DKK2: variants seen among roughly 807,000 people sequenced by gnomAD.
DKK2 encodes dickkopf-related protein 2.
In DKK2, 11 loss-of-function variants were observed where a neutral mutation model predicts 28.1. The ratio of observed to expected loss-of-function variants is 0.39; its 90% CI spans 0.25 to 0.65. DKK2 has a LOEUF of 0.65. Among genes scored for constraint, DKK2 ranks in the 30% least tolerant of loss-of-function variants. The probability of loss-of-function intolerance (pLI) is 0.47; values close to 1 mark genes in which losing one functional copy is unlikely to be tolerated. For missense variants in DKK2, 326 were observed against 335.5 expected, an observed-to-expected ratio of 0.97 and a Z score of 0.22; for synonymous variants, 135 against 126.5, an observed-to-expected ratio of 1.07 and a Z score of -0.45.
At chr4:107,008,143 T>C (rs1357957726) in intron 1 of DKK2, among the ~76,000 whole-genome samples, 1 of 152,152 alleles carries the variant, frequency 6.6e-6, no homozygotes, top group Non-Finnish European at 1.5e-5. Flanking sequence ...GAAGGCCACG[T>C]AGGTGAAAAT....
intron 1 of DKK2, among the ~76,000 whole-genome samples, chr4:106,928,566 A>T (rs998677015): frequency 2.0e-5 from 3 of 152,182 alleles, no homozygotes; most frequent in African/African-American, 7.2e-5. Context: ...TATGAATACA[A>T]TCAAGAAGGG....
At chr4:106,934,551 C>T (rs924685912) in intron 1 of DKK2, among the ~76,000 whole-genome samples, 1 of 152,162 alleles carries the variant, frequency 6.6e-6, no homozygotes, top group Non-Finnish European at 1.5e-5. Flanking sequence ...TACACATACA[C>T]AATGCATTGT....
chr4:107,006,479 T>C (rs891541682), intron 1 of DKK2, among the ~76,000 whole-genome samples: 2 of 152,140 alleles, frequency 1.3e-5, no homozygotes, highest in African/African-American at 2.4e-5. Flanking sequence ...CAGAAAACAA[T>C]CTTTTAGTAA....
chr4:106,960,768 A>G (rs1722674507), intron 1 of DKK2, among the ~76,000 whole-genome samples: 1 of 152,132 alleles, frequency 6.6e-6, no homozygotes, highest in Non-Finnish European at 1.5e-5. Flanking sequence ...AAAACTAGAG[A>G]GAATGTTTAT....
intron 1 of DKK2, among the ~76,000 whole-genome samples, chr4:107,000,389 T>G (rs1378971862): frequency 6.6e-6 from 1 of 152,206 alleles, no homozygotes; most frequent in African/African-American, 2.4e-5. Context: ...ATGGGTTTTT[T>G]GATCTAAGCA....
chr4:107,018,965 T>C (rs1473342844), intron 1 of DKK2, among the ~76,000 whole-genome samples: 3 of 152,106 alleles, frequency 2.0e-5, no homozygotes, highest in African/African-American at 7.2e-5. Context: ...GTATTTAAAA[T>C]GTTATTTTTT....
intron 1 of DKK2, among the ~76,000 whole-genome samples, chr4:106,931,394 T>G (rs1724502534): frequency 6.6e-6 from 1 of 152,098 alleles, no homozygotes; most frequent in African/African-American, 2.4e-5. Context: ...GACAATACAG[T>G]CAAATGTATT....
intron 3 of DKK2, 28 bp downstream of exon 3, chr4:106,924,517 A>G: frequency 6.3e-7 from 1 of 1,587,122 alleles, no homozygotes; most frequent in Non-Finnish European, 8.5e-7. Flanking sequence ...TTATTTTAAA[A>G]AAACCCCAGA....
At position 107,020,879 on chromosome 4, in the gene DKK2, T is replaced by G. The variant is rs142317619; in HGVS notation, c.222+14491A>C. On this transcript the variant is annotated intron_variant, in intron 1 of 3. Coordinates refer to ENST00000285311, the MANE Select transcript of DKK2 (RefSeq NM_014421.3). ...CTGAGTATGATTTGTTCCTGCCTCCTCTTTCAGAAACAGCATGGGTTTGGG... is the reference window on the plus strand; with the variant it reads ...CTGAGTATGATTTGTTCCTGCCTCCGCTTTCAGAAACAGCATGGGTTTGGG... Among the ~76,000 whole-genome samples, 411 of 152,134 alleles carry G rather than the reference T, an allele frequency of 2.7e-3. 2 individuals are homozygous for G. Among genetic ancestry groups the G allele is most frequent in the African/African-American group, 9.5e-3 (394 of 41,548 alleles).
intron 1 of DKK2, among the ~76,000 whole-genome samples, chr4:106,966,428 C>G (rs1000886754): frequency 6.6e-6 from 1 of 152,184 alleles, no homozygotes; most frequent in African/African-American, 2.4e-5. Context: ...TATGCAACCA[C>G]TCTCCATCTC....
chr4:107,010,403 G>A (rs1723499783), intron 1 of DKK2, among the ~76,000 whole-genome samples: 2 of 151,512 alleles, frequency 1.3e-5, no homozygotes, highest in Non-Finnish European at 3.0e-5. Flanking sequence ...GTTTTCATGT[G>A]ATGTTTCACT....
chr4:106,962,614 G>T (rs1722708831), intron 1 of DKK2, among the ~76,000 whole-genome samples: 2 of 146,186 alleles, frequency 1.4e-5, no homozygotes, highest in Non-Finnish European at 3.0e-5. Flanking sequence ...AAATTAAAAT[G>T]GATTAAAGAT....
chr4:106,983,010 GA>G (rs1723048629), intron 1 of DKK2, among the ~76,000 whole-genome samples: 1 of 142,864 alleles, frequency 7.0e-6, no homozygotes, highest in East Asian at 2.0e-4. Context: ...AAGAAAAAGA[GA>G]GAAAGGAAGG....
chr4:106,925,420 T>A (rs1724410820), intron 2 of DKK2, among the ~76,000 whole-genome samples: 1 of 152,152 alleles, frequency 6.6e-6, no homozygotes, highest in South Asian at 2.1e-4. Flanking sequence ...CCACAGAACA[T>A]CTTGACTAAA....
In DKK2 at chr4:107,024,361, G is replaced by A. The variant is rs139002173; in HGVS notation, c.222+11009C>T. On this transcript the variant is annotated intron_variant, in intron 1 of 3. Transcript: ENST00000285311. The stretch of plus-strand genomic sequence containing the variant: ...AAAGCTGTTTGTAGCCTGCCTGCAA[G>A]AACAAAAAACTAAGTTCTTATCAGA... Among the ~76,000 whole-genome samples, 576 of 151,916 alleles carry A rather than the reference G, an allele frequency of 3.8e-3. 4 individuals carry two copies. Among genetic ancestry groups the A allele is most frequent in the African/African-American group, 0.013 (536 of 41,444 alleles).
intron 1 of DKK2, among the ~76,000 whole-genome samples, chr4:107,010,644 G>A (rs1723504172): frequency 6.6e-6 from 1 of 151,352 alleles, no homozygotes; most frequent in South Asian, 2.1e-4. Flanking sequence ...TTTTACTTCT[G>A]TAACGTCCTG....
rs1215121434 is a variant in DKK2, at chr4:106,925,791, TC to T, written c.373+7del. 6.2e-7 allele frequency: 1 copy of T among 1,603,540 alleles called. No individual in the cohort carries two copies. Among genetic ancestry groups the T allele is most frequent in the Non-Finnish European group, 8.5e-7 (1 of 1,175,864 alleles). On this transcript the variant is annotated splice_region_variant and intron_variant, in intron 2 of 3. Transcript: ENST00000285311. Reference sequence around the variant, plus strand: ...AGAGGCCCATTAACACTTAGTGAGATCTTTTACCATTATTGCAGCGGGTACT... The same window carrying T: ...AGAGGCCCATTAACACTTAGTGAGATTTTTACCATTATTGCAGCGGGTACT...
intron 1 of DKK2, among the ~76,000 whole-genome samples, chr4:107,028,813 T>C (rs1328309850): frequency 6.6e-6 from 1 of 152,198 alleles, no homozygotes; most frequent in Non-Finnish European, 1.5e-5. Context: ...ACAAAGCCAT[T>C]GCAGAGAAAC....
At chr4:106,974,981 C>T (rs1181174314) in intron 1 of DKK2, among the ~76,000 whole-genome samples, 2 of 152,078 alleles carry the variant, frequency 1.3e-5, no homozygotes, top group Non-Finnish European at 2.9e-5. Context: ...AAGGCCTTTC[C>T]TGCATTTATT....
Sources: allele counts gnomAD v4.1 joint callset (sites outside exome capture counted in the v4.1 genomes callset), GRCh38; gene constraint gnomAD v4.1.1; transcripts MANE v1.5; gene names NCBI Gene and HGNC (gene_info 2026-07-23, HGNC 2026-07-21).